The following PLPP7 variants were observed in gnomAD, a reference collection of about 807,000 sequenced individuals.
PLPP7 encodes the protein inactive phospholipid phosphatase 7.
Under a neutral mutation model 16.9 loss-of-function variants are expected in PLPP7, and 11 were observed. That is an observed-to-expected ratio of 0.65 (90% CI 0.41 to 1.08). PLPP7 has a LOEUF of 1.08. PLPP7 is among the 50% of genes least tolerant of loss of function. The pLI is 0.00. For synonymous variants in PLPP7, 174 were observed against 175.1 expected (o/e 0.99, Z 0.05); for missense variants, 358 against 397.1 (o/e 0.90, Z 0.84).
chr9:131,290,365 T>TC lies in PLPP7; in HGVS notation c.372dup (p.Trp125LeufsTer164), dbSNP rs776248169. 2.1e-4 allele frequency: 330 copies of TC among 1,606,802 alleles called. No homozygotes were observed. The highest frequency in any genetic ancestry group is 2.8e-4 in the Non-Finnish European group (326 of 1,176,950). ...CTCATCGGCATCACGGGCCACGGCA[T>TC]CCCCTGGATCGGAGGCACCATCCTC... On this transcript the variant is annotated frameshift_variant, in exon 1 of 2. Coordinates refer to ENST00000372264, the MANE Select transcript of PLPP7 (RefSeq NM_032728.4). LOFTEE classifies it high-confidence loss of function. This position sits in a 1 kb window ranked among gnomAD's most constrained non-coding sequence, Gnocchi z 4.2.
Position 131,308,576 on chromosome 9 carries a change from G to T in PLPP7, c.*289G>T. On this transcript the variant is annotated 3_prime_UTR_variant, in exon 2 of 2. Coordinates refer to ENST00000372264, the MANE Select transcript of PLPP7 (RefSeq NM_032728.4). ...ACAGCCCTATTTAGCTTCTGCTCTGGGAACAGCAAAAATCAGGATGGTGGG... is the reference window on the plus strand; with the variant it reads ...ACAGCCCTATTTAGCTTCTGCTCTGTGAACAGCAAAAATCAGGATGGTGGG... The T allele has an allele frequency of 2.3e-6, 1 of 443,514 alleles. No individual in the cohort carries two copies. Among genetic ancestry groups the T allele is most frequent in the Non-Finnish European group, 4.1e-6 (1 of 244,770 alleles). The allele number at this position is 443,514 out of a possible 1,614,324, so 27.5% of individuals were successfully genotyped here.
intron 1 of PLPP7, among the ~76,000 whole-genome samples, chr9:131,302,098 C>T (rs1388502927): frequency 2.0e-5 from 3 of 152,280 alleles, no homozygotes; most frequent in Admixed American, 2.0e-4. Context: ...GAATTACAGG[C>T]GTGAGCCACT....
At chr9:131,291,449 T>C in intron 1 of PLPP7, 1 of 1,109,484 alleles carries the variant, frequency 9.0e-7, no homozygotes, top group South Asian at 2.2e-5. Flanking sequence ...TGCTCTAGTC[T>C]CAGTCTGGAG....
rs755901734 is a variant in PLPP7, at chr9:131,290,052, C to G, written c.55C>G (p.Arg19Gly). 5 of 1,471,546 alleles carry G rather than the reference C, an allele frequency of 3.4e-6. No individual in the cohort carries two copies. The highest frequency in any genetic ancestry group is 4.5e-6 in the Non-Finnish European group (5 of 1,115,914). The allele number at this position is 1,471,546 out of a possible 1,614,324, so 91.2% of individuals were successfully genotyped here. A position where few individuals can be genotyped will look rare whatever the true frequency, so the allele number is the denominator to read the frequency against. Residue 19 changes from arginine (R) to glycine (G), a missense_variant, in exon 1 of 2, where the codon CGG (arginine) becomes GGG (glycine). Physicochemically the swap from Arg to Gly is moderately radical, Grantham distance 125 (BLOSUM62 -2). Transcript: ENST00000372264. The surrounding 1 kb of genome is among the most constrained non-coding windows in gnomAD (Gnocchi z 4.2). ...CCGGGACCGCAACAACGTCCTCAAC[C>G]GGGCTGAGTTCCTGTCCCTGAACCA... The part of the protein sequence containing the change: ...RARDRNNVLN[R>G]AEFLSLNQPP...
At position 131,293,587 on chromosome 9, in the gene PLPP7, G is replaced by A. The variant is rs376397542; in HGVS notation, c.451+3139G>A. 2.4e-4 allele frequency among the ~76,000 whole-genome samples: 36 copies of A among 152,292 alleles called. No homozygotes were observed. In the East Asian group the frequency reaches 4.8e-3, roughly 20 times the overall value. Reference sequence around the variant, plus strand: ...AAAGCAGACTGCCCACTGAGCACACGCTGCAGGTTCCATCTGTCCTTTTGT... The same window carrying A: ...AAAGCAGACTGCCCACTGAGCACACACTGCAGGTTCCATCTGTCCTTTTGT... On this transcript the variant is annotated intron_variant, in intron 1 of 1. Transcript: ENST00000372264.
In PLPP7 at chr9:131,308,014, C is replaced by T. The variant is rs1317078422; in HGVS notation, c.543C>T (p.Tyr181=). ...AGACGAGCCCCAGCCTCCTGGACTA[C>T]CTCACCATGGACATCTACGCCTTCC... ...PYETSPSLLD[Y]LTMDIYAFPA... The change falls in exon 2 of 2, where the codon TAC becomes TAT. Residue 181 remains tyrosine (Y), a synonymous_variant. Transcript: ENST00000372264. 2 of 1,601,044 alleles carry T rather than the reference C, an allele frequency of 1.2e-6. No individual in the cohort carries two copies. Among genetic ancestry groups the T allele is most frequent in the Non-Finnish European group, 1.7e-6 (2 of 1,179,826 alleles).
chr9:131,290,463 C>T lies in PLPP7; in HGVS notation c.451+15C>T, dbSNP rs757212480. On this transcript the variant is annotated intron_variant, in intron 1 of 1. Transcript: ENST00000372264. This position sits in a 1 kb window ranked among gnomAD's most constrained non-coding sequence, Gnocchi z 4.2. The stretch of plus-strand genomic sequence containing the variant: ...TCTGCTCCTGGGTGAGTGTGCCTGC[C>T]GCCCGCCACTCACTGTCAGGCCCCT... The T allele has an allele frequency of 1.5e-4, 221 of 1,473,376 alleles. 1 individual carries two copies. The highest frequency in any genetic ancestry group is 1.5e-3 in the Middle Eastern group (8 of 5,446). 91.3% of individuals were successfully genotyped at this position (1,473,376 alleles called of 1,614,324 possible). A position where few individuals can be genotyped will look rare whatever the true frequency, so the allele number is the denominator to read the frequency against.
rs1360252455 is a variant in PLPP7, at chr9:131,309,015, T to C, written c.*728T>C. 1 of 152,448 alleles carries C rather than the reference T, an allele frequency of 6.6e-6. No homozygotes were observed. Among genetic ancestry groups the C allele is most frequent in the Admixed American group, 6.5e-5 (1 of 15,272 alleles). The allele number at this position is 152,448 out of a possible 1,614,324, so 9.4% of individuals were successfully genotyped here. ...ACAGCTATTAACCCCCAAGGAATTA[T>C]TGGTTCCTCAAGTGCGTTTTGGGAG... On this transcript the variant is annotated 3_prime_UTR_variant, in exon 2 of 2. Coordinates refer to ENST00000372264, the MANE Select transcript of PLPP7 (RefSeq NM_032728.4).
At chr9:131,300,713 AGG>A (rs1031691549) in intron 1 of PLPP7, among the ~76,000 whole-genome samples, 1 of 148,418 alleles carries the variant, frequency 6.7e-6, no homozygotes, top group Non-Finnish European at 1.5e-5. Flanking sequence ...AAAAAAAAAA[AGG>A]GAAGGTGTGG....
At position 131,308,034 on chromosome 9, in the gene PLPP7, C is replaced by T; in HGVS notation, c.563C>T (p.Ala188Val). Residue 188 changes from alanine to valine, a missense_variant, in exon 2 of 2, where the codon GCC becomes GTC. Transcript: ENST00000372264. Reference sequence around the variant, plus strand: ...GACTACCTCACCATGGACATCTACGCCTTCCCGGCCGGGCACGCCAGCCGC... The same window carrying T: ...GACTACCTCACCATGGACATCTACGTCTTCCCGGCCGGGCACGCCAGCCGC... ...LLDYLTMDIYAFPAGHASRAA... is the reference protein window; with the variant it reads ...LLDYLTMDIYVFPAGHASRAA... 1 of 1,601,104 alleles carries T rather than the reference C, an allele frequency of 6.2e-7. No individual in the cohort carries two copies. The highest frequency in any genetic ancestry group is 8.5e-7 in the Non-Finnish European group (1 of 1,179,868).
At chr9:131,303,583 C>T (rs1477204229) in intron 1 of PLPP7, among the ~76,000 whole-genome samples, 1 of 151,764 alleles carries the variant, frequency 6.6e-6, no homozygotes, top group Admixed American at 6.6e-5. Flanking sequence ...CAGCATCTGG[C>T]TGCACTGAAC....
At chr9:131,297,638 C>T (rs781653454) in intron 1 of PLPP7, among the ~76,000 whole-genome samples, 14 of 152,036 alleles carry the variant, frequency 9.2e-5, no homozygotes, top group African/African-American at 3.1e-4. Context: ...CGCCTGCCAC[C>T]GCCTCCCAAA....
rs1000437345 is a variant in PLPP7, at chr9:131,295,992, T to C, written c.451+5544T>C. On this transcript the variant is annotated intron_variant, in intron 1 of 1. Transcript: ENST00000372264. The surrounding 1 kb of genome is among the most constrained non-coding windows in gnomAD (Gnocchi z 4.0). ...GTGTATATGCATCTTCTTGAGCCCC[T>C]GCTTTCAGTTATTTTGGTTGTATAC... 3.9e-5 allele frequency among the ~76,000 whole-genome samples: 6 copies of C among 152,178 alleles called. No homozygotes were observed. The East Asian group carries it at 1.2e-3, about 29-fold the overall frequency.
chr9:131,294,070 A>T (rs543593199), intron 1 of PLPP7, among the ~76,000 whole-genome samples: 2 of 152,126 alleles, frequency 1.3e-5, no homozygotes, highest in African/African-American at 2.4e-5. Context: ...AGTTCTCTGC[A>T]TGCTCCCTGC....
In PLPP7 at chr9:131,291,135, C is replaced by T. The variant is rs778546146; in HGVS notation, c.451+687C>T. 5 of 1,366,392 alleles carry T rather than the reference C, an allele frequency of 3.7e-6. No homozygotes were observed. The African/African-American group carries it at 7.4e-5, about 20-fold the overall frequency. 84.6% of individuals were successfully genotyped at this position (1,366,392 alleles called of 1,614,324 possible). The stretch of plus-strand genomic sequence containing the variant: ...GATTAGCACCGCCCTGTGCCAGGTG[C>T]CACGTGGGGCCCATGTGGAGGCAAG... On this transcript the variant is annotated intron_variant, in intron 1 of 1. Coordinates refer to ENST00000372264, the MANE Select transcript of PLPP7 (RefSeq NM_032728.4).
At chr9:131,304,251 A>G (rs1835829147) in intron 1 of PLPP7, among the ~76,000 whole-genome samples, 1 of 152,146 alleles carries the variant, frequency 6.6e-6, no homozygotes, top group Admixed American at 6.5e-5. Flanking sequence ...CTCTCTCGGC[A>G]CAGAAAGGCG....
chr9:131,304,057 G>A (rs1375967621), intron 1 of PLPP7, among the ~76,000 whole-genome samples: 2 of 152,104 alleles, frequency 1.3e-5, no homozygotes, highest in East Asian at 1.9e-4. Context: ...GCTCCCTGCC[G>A]ACTCTGTACC....
At chr9:131,299,137 T>A (rs76087580) in intron 1 of PLPP7, among the ~76,000 whole-genome samples, 2,528 of 152,296 alleles carry the variant, frequency 0.017, 79 homozygotes, top group African/African-American at 0.058. Context: ...CACCGAGGTT[T>A]TGCTGTCCAC....
chr9:131,291,054 G>A (rs887948887), intron 1 of PLPP7: 26 of 1,365,406 alleles, frequency 1.9e-5, no homozygotes, highest in East Asian at 1.4e-4. Flanking sequence ...AGAAGGGTTC[G>A]GGGGGCCAGT....
Sources: gnomAD v4.1 joint callset for allele counts (sites outside exome capture counted in the v4.1 genomes callset) on GRCh38, gnomAD v4.1.1 for gene constraint, Gnocchi (gnomAD v3.1) non-coding constraint, MANE v1.5 for transcripts, NCBI Gene and HGNC (gene_info 2026-07-23, HGNC 2026-07-21) for gene names.